Variants in TJP1 observed in about 807,000 individuals in gnomAD.
TJP1 encodes tight junction protein 1.
Under a neutral mutation model 194.2 loss-of-function variants are expected in TJP1, and 43 were observed. The ratio of observed to expected loss-of-function variants is 0.22; its 90% CI spans 0.17 to 0.29. TJP1 has a LOEUF of 0.29. TJP1 is among the 10% of genes least tolerant of loss of function. The probability of loss-of-function intolerance (pLI) is 1.00; values close to 1 mark genes in which losing one functional copy is unlikely to be tolerated. For missense variants in TJP1, 1,971 were observed against 2,185.7 expected (o/e 0.90, Z 1.96); for synonymous variants, 801 against 779.0 (o/e 1.03, Z -0.47).
intron 27 of TJP1, among the ~76,000 whole-genome samples, chr15:29,703,518 A>G (rs1026620989): frequency 6.6e-6 from 1 of 152,226 alleles, no homozygotes; most frequent in African/African-American, 2.4e-5. Flanking sequence ...ATAAAGGAAC[A>G]AAGTCATTTT....
chr15:29,940,133 G>A (rs905857999), intron 2 of TJP1, among the ~76,000 whole-genome samples: 2 of 152,142 alleles, frequency 1.3e-5, no homozygotes, highest in Non-Finnish European at 2.9e-5. Context: ...AGGTTCGGAG[G>A]AATGGGCCTT....
intron 1 of TJP1, among the ~76,000 whole-genome samples, chr15:29,807,342 G>A (rs1377437377): frequency 6.6e-6 from 1 of 152,182 alleles, no homozygotes; most frequent in Non-Finnish European, 1.5e-5. Context: ...ATTAAATATT[G>A]AGAAAATCTC....
intron 2 of TJP1, among the ~76,000 whole-genome samples, chr15:29,870,538 A>G (rs2052476054): frequency 6.6e-6 from 1 of 152,228 alleles, no homozygotes; most frequent in African/African-American, 2.4e-5. Context: ...ATGTTCCTGT[A>G]AACAGGCAGG....
At chr15:29,748,564 CTTTTTTTTTTTT>C (rs61364565) in intron 8 of TJP1, among the ~76,000 whole-genome samples, 11 of 73,386 alleles carry the variant, frequency 1.5e-4, no homozygotes, top group African/African-American at 1.6e-4. Context: ...CTTCCTAATT[CTTTTTTTTTTTT>C]TTTTTTTTTT....
chr15:29,771,481 G>C (rs45546237), intron 4 of TJP1, among the ~76,000 whole-genome samples: 4 of 152,248 alleles, frequency 2.6e-5, no homozygotes, highest in East Asian at 3.9e-4. Flanking sequence ...CTGTAGAGGA[G>C]GAAAAGAGGA....
chr15:29,775,424 T>G (rs1463456046), intron 2 of TJP1, among the ~76,000 whole-genome samples: 1 of 152,150 alleles, frequency 6.6e-6, no homozygotes, highest in African/African-American at 2.4e-5. Flanking sequence ...TGTGCTGGTT[T>G]TGCTGTCACA....
intron 5 of TJP1, 31 bp downstream of exon 5, chr15:29,766,235 G>GA (rs748800212): frequency 6.3e-7 from 1 of 1,587,382 alleles, no homozygotes; most frequent in Non-Finnish European, 8.6e-7. Context: ...ATTTTCATGT[G>GA]AAAAAAACAG....
rs555638640 is a variant in TJP1 at position 29,799,510 on chromosome 15, G to C, written c.84+1136C>G. 1.9e-4 allele frequency among the ~76,000 whole-genome samples: 29 copies of C among 151,930 alleles called. No homozygotes were observed. In the East Asian group the frequency reaches 5.6e-3, roughly 29 times the overall value. On this transcript the variant is annotated intron_variant, in intron 2 of 27. Transcript: ENST00000614355. ...GCTCACTGCAAGCTCTGCCTCCTGG[G>C]TTCACGCCATTCTCCCGCCTCAGCC...
chr15:29,791,582 G>A (rs1003141519), intron 2 of TJP1, among the ~76,000 whole-genome samples: 2 of 150,954 alleles, frequency 1.3e-5, no homozygotes, highest in Admixed American at 6.6e-5. Flanking sequence ...CACCACGCTC[G>A]GCTGGTTTCA....
chr15:29,905,060 C>T (rs1415549878), intron 2 of TJP1, among the ~76,000 whole-genome samples: 1 of 152,192 alleles, frequency 6.6e-6, no homozygotes, highest in African/African-American at 2.4e-5. Flanking sequence ...TGAAAGGATA[C>T]ATTTTTGTTG....
At chr15:29,832,163 A>G (rs556600436) in intron 2 of TJP1, among the ~76,000 whole-genome samples, 1 of 152,254 alleles carries the variant, frequency 6.6e-6, no homozygotes, top group African/African-American at 2.4e-5. Context: ...CTTTAGTTAA[A>G]GGGTAAACAT....
intron 2 of TJP1, among the ~76,000 whole-genome samples, chr15:29,796,405 TGA>T (rs1491515347): frequency 2.0e-3 from 289 of 145,618 alleles, no homozygotes; most frequent in Middle Eastern, 0.018. Flanking sequence ...AATATTGAAA[TGA>T]AAAAAAAAAA....
chr15:29,967,673 C>T (rs537715867), intron 1 of TJP1, among the ~76,000 whole-genome samples: 69 of 152,278 alleles, frequency 4.5e-4, no homozygotes, highest in Admixed American at 1.6e-3. Flanking sequence ...TGGCTGATCA[C>T]GCTATATACT....
intron 2 of TJP1, among the ~76,000 whole-genome samples, chr15:29,925,727 G>A (rs2054504524): frequency 6.6e-6 from 1 of 152,180 alleles, no homozygotes; most frequent in African/African-American, 2.4e-5. Flanking sequence ...CTTCTGACAG[G>A]TAGACCTTCC....
intron 2 of TJP1, among the ~76,000 whole-genome samples, chr15:29,788,520 G>A (rs1331727421): frequency 1.3e-5 from 2 of 152,024 alleles, no homozygotes; most frequent in East Asian, 3.9e-4. Flanking sequence ...TCATTATTTT[G>A]CATGTGGTTA....
intron 2 of TJP1, among the ~76,000 whole-genome samples, chr15:29,904,017 G>A (rs569508793): frequency 1.2e-4 from 19 of 152,250 alleles, no homozygotes; most frequent in South Asian, 8.3e-4. Context: ...TCTTGGAGCT[G>A]GGTGTGAGGG....
At chr15:29,814,995 T>C (rs959486734) in intron 1 of TJP1, among the ~76,000 whole-genome samples, 24 of 152,228 alleles carry the variant, frequency 1.6e-4, no homozygotes, top group Admixed American at 9.2e-4. Context: ...TCTCATGATC[T>C]AAAGCTGTGT....
At chr15:29,876,382 G>T (rs113120172) in intron 2 of TJP1, among the ~76,000 whole-genome samples, 2 of 152,030 alleles carry the variant, frequency 1.3e-5, no homozygotes, top group African/African-American at 4.8e-5. Flanking sequence ...TTAGCCAGGC[G>T]TGGTGGTGCA....
intron 2 of TJP1, among the ~76,000 whole-genome samples, chr15:29,912,790 C>T (rs937962495): frequency 2.7e-5 from 4 of 145,950 alleles, no homozygotes; most frequent in Admixed American, 2.7e-4. Flanking sequence ...GTGGTGGTTA[C>T]ATAACTTATT....
Sources: gnomAD v4.1 joint callset for allele counts (sites outside exome capture counted in the v4.1 genomes callset) on GRCh38, gnomAD v4.1.1 for gene constraint, MANE v1.5 for transcripts, NCBI Gene and HGNC (gene_info 2026-07-23, HGNC 2026-07-21) for gene names.